AKT3: variants seen among roughly 807,000 people sequenced by gnomAD.
The protein encoded by AKT3 is AKT serine/threonine kinase 3, also known as RAC-gamma serine/threonine-protein kinase.
Under a neutral mutation model 65.3 loss-of-function variants are expected in AKT3, and 15 were observed. That is an observed-to-expected ratio of 0.23 (90% CI 0.15 to 0.35). AKT3 has a LOEUF of 0.35. Among genes scored for constraint, AKT3 ranks in the 10% least tolerant of loss-of-function variants. The pLI is 1.00. For missense variants in AKT3, 243 were observed against 576.5 expected (o/e 0.42, Z 5.92); for synonymous variants, 206 against 183.8 (o/e 1.12, Z -0.98).
intron 12 of AKT3, among the ~76,000 whole-genome samples, chr1:243,516,168 C>T (rs1350071763): frequency 6.6e-6 from 1 of 152,160 alleles, no homozygotes; most frequent in Non-Finnish European, 1.5e-5. Flanking sequence ...GGATCTTAAC[C>T]ACAACTATAA....
chr1:243,607,194 T>C (rs1677493734), intron 8 of AKT3, among the ~76,000 whole-genome samples: 1 of 152,042 alleles, frequency 6.6e-6, no homozygotes, highest in Non-Finnish European at 1.5e-5. Context: ...GAGAAGAGGG[T>C]CACTGTCCTC....
intron 6 of AKT3, among the ~76,000 whole-genome samples, chr1:243,634,261 GTAT>G (rs1335416754): frequency 1.3e-5 from 2 of 151,686 alleles, no homozygotes; most frequent in Non-Finnish European, 2.9e-5. Context: ...TTTTATTCTT[GTAT>G]TATTATTTTT....
At chr1:243,838,603 A>G (rs1028064534) in intron 2 of AKT3, among the ~76,000 whole-genome samples, 7 of 152,194 alleles carry the variant, frequency 4.6e-5, no homozygotes, top group African/African-American at 1.7e-4. Context: ...ATTTGACTAG[A>G]TAACAAGAAT....
intron 10 of AKT3, among the ~76,000 whole-genome samples, chr1:243,557,111 C>A (rs1013238463): frequency 5.9e-5 from 9 of 152,040 alleles, no homozygotes; most frequent in African/African-American, 1.4e-4. Context: ...AGGAAAAATC[C>A]TTTGACAAGA....
At chr1:243,596,140 C>G (rs1363353569) in intron 8 of AKT3, among the ~76,000 whole-genome samples, 1 of 152,104 alleles carries the variant, frequency 6.6e-6, no homozygotes. Context: ...TATTATATAG[C>G]ACGTGACACA....
intron 2 of AKT3, among the ~76,000 whole-genome samples, chr1:243,700,062 T>C (rs754812876): frequency 7.2e-5 from 11 of 152,200 alleles, no homozygotes; most frequent in South Asian, 4.1e-4. Context: ...TAAATTTCTG[T>C]TGTTTTATGC....
intron 6 of AKT3, among the ~76,000 whole-genome samples, chr1:243,630,972 C>CT (rs1491477413): frequency 9.7e-6 from 1 of 102,598 alleles, no homozygotes; most frequent in Non-Finnish European, 2.6e-5. Context: ...ACCAAATAGC[C>CT]TCTTTTTTTT....
At chr1:243,561,636 A>C (rs1018497870) in intron 10 of AKT3, among the ~76,000 whole-genome samples, 2 of 152,192 alleles carry the variant, frequency 1.3e-5, no homozygotes, top group Non-Finnish European at 2.9e-5. Context: ...CACATAGTAG[A>C]TGCTCATTAA....
chr1:243,698,943 G>A (rs906041738), intron 2 of AKT3, among the ~76,000 whole-genome samples: 2 of 151,124 alleles, frequency 1.3e-5, no homozygotes, highest in African/African-American at 4.9e-5. Flanking sequence ...ACTTAATAGA[G>A]CTTAATTCCA....
At chr1:243,727,659 C>T (rs1687294007) in intron 2 of AKT3, among the ~76,000 whole-genome samples, 2 of 152,072 alleles carry the variant, frequency 1.3e-5, no homozygotes, top group African/African-American at 4.8e-5. Flanking sequence ...AAACCCTATT[C>T]TTGCAACAAT....
chr1:243,842,333 C>T (rs1558864461), intron 2 of AKT3, among the ~76,000 whole-genome samples: 2 of 152,132 alleles, frequency 1.3e-5, no homozygotes, highest in Non-Finnish European at 1.5e-5. Flanking sequence ...GAGAATGGAA[C>T]AGTCCTCATC....
At chr1:243,776,313 C>T (rs141001847) in intron 2 of AKT3, among the ~76,000 whole-genome samples, 2 of 152,306 alleles carry the variant, frequency 1.3e-5, no homozygotes, top group Non-Finnish European at 2.9e-5. Context: ...CTGCTTGTCT[C>T]CACTAAAGAC....
At chr1:243,606,830 C>G (rs1399536692) in intron 8 of AKT3, among the ~76,000 whole-genome samples, 1 of 152,230 alleles carries the variant, frequency 6.6e-6, no homozygotes, top group Admixed American at 6.5e-5. Flanking sequence ...AGCAGGGCCC[C>G]CCAACCCGGC....
At chr1:243,671,667 G>A (rs899793535) in intron 3 of AKT3, among the ~76,000 whole-genome samples, 4 of 152,200 alleles carry the variant, frequency 2.6e-5, no homozygotes, top group Non-Finnish European at 4.4e-5. Flanking sequence ...TCCAGCAGCA[G>A]ATAACTGTTG....
intron 2 of AKT3, among the ~76,000 whole-genome samples, chr1:243,807,613 C>T (rs1282139943): frequency 6.6e-6 from 1 of 152,224 alleles, no homozygotes; most frequent in African/African-American, 2.4e-5. Context: ...GGGGGCAAGG[C>T]ATAGCCAAAC....
rs1243728727 is a variant in AKT3, at chr1:243,575,598, T to C, written c.697-2550A>G. ...GGTATTGATTTTTAAAAAAAGAGGG[T>C]TGTGATAACATTTTATAACTCAGAT... On this transcript the variant is annotated intron_variant, in intron 8 of 13. Transcript: ENST00000673466. Among the ~76,000 whole-genome samples, 5 of 152,142 alleles carry C rather than the reference T, an allele frequency of 3.3e-5. No homozygotes were observed. In the East Asian group the frequency reaches 9.7e-4, roughly 29 times the overall value.
chr1:243,499,639 GGTT>G (rs969271662), downstream of AKT3: 3 of 825,006 alleles, frequency 3.6e-6, no homozygotes, highest in East Asian at 2.6e-5. Flanking sequence ...TTTAGCAACA[GGTT>G]TTTTTCTCCA....
chr1:243,584,835 G>A (rs971042717), intron 8 of AKT3, among the ~76,000 whole-genome samples: 8 of 152,058 alleles, frequency 5.3e-5, no homozygotes, highest in African/African-American at 1.9e-4. Flanking sequence ...TTGAGAACTG[G>A]AACAAGATAT....
intron 8 of AKT3, among the ~76,000 whole-genome samples, chr1:243,590,351 C>T (rs1676138619): frequency 1.3e-5 from 2 of 151,898 alleles, no homozygotes; most frequent in South Asian, 4.2e-4. Flanking sequence ...CACTGTATAC[C>T]TAAAATTTAT....
Sources: allele counts gnomAD v4.1 joint callset (sites outside exome capture counted in the v4.1 genomes callset), GRCh38; gene constraint gnomAD v4.1.1; transcripts MANE v1.5; gene names NCBI Gene and HGNC (gene_info 2026-07-23, HGNC 2026-07-21).